Variants in AKAP8 observed in about 807,000 individuals in gnomAD.
The protein encoded by AKAP8 is A-kinase anchor protein 8.
AKAP8 carries 24 observed loss-of-function variants against 67.5 expected under a neutral mutation model. The ratio of observed to expected loss-of-function variants is 0.36; its 90% CI spans 0.26 to 0.50. AKAP8 has a LOEUF of 0.50. AKAP8 is among the 20% of genes least tolerant of loss of function. The probability of loss-of-function intolerance (pLI) is 0.97; values close to 1 mark genes in which losing one functional copy is unlikely to be tolerated. For missense variants in AKAP8, 971 were observed against 955.9 expected (o/e 1.02, Z -0.21); for synonymous variants, 400 against 371.1 (o/e 1.08, Z -0.90).
chr19:15,361,473 C>A (rs1966964904), intron 11 of AKAP8: 2 of 370,784 alleles, frequency 5.4e-6, no homozygotes, highest in Admixed American at 4.1e-5. Flanking sequence ...GCCTCAGCCT[C>A]CCAAGTAGCT....
chr19:15,357,099 AGGTGCCC>A (rs1966894186), intron 13 of AKAP8, among the ~76,000 whole-genome samples: 1 of 151,962 alleles, frequency 6.6e-6, no homozygotes, highest in Admixed American at 6.6e-5. Context: ...CTGGGATTAC[AGGTGCCC>A]GCCACCACGC....
chr19:15,365,219 A>C (rs780621440), intron 9 of AKAP8, among the ~76,000 whole-genome samples: 1 of 152,210 alleles, frequency 6.6e-6, no homozygotes, highest in Non-Finnish European at 1.5e-5. Flanking sequence ...CTGGGATGAC[A>C]TAAGGCAACC....
chr19:15,373,390 G>A (rs1431037832), intron 4 of AKAP8, 50 bp from the exon 5 acceptor site: 1 of 1,548,758 alleles, frequency 6.5e-7, no homozygotes. Flanking sequence ...ATCACCCACT[G>A]CCACACTCCC....
Position 15,372,964 on chromosome 19 carries a change from G to C in AKAP8, c.748C>G (p.Gln250Glu). ...ACGCCGTAGTCGGGAGCCATGGACT[G>C]GGAGAAGAGGGACGGAGGTGGCCGG... ...PSRPPPSLFSQSMAPDYGVMG... is the reference protein window; with the variant it reads ...PSRPPPSLFSESMAPDYGVMG... The change falls in exon 5 of 14, where the codon CAG becomes GAG. Residue 250 changes from glutamine to glutamate, a missense_variant. This residue lies in a region of AKAP8 where 763 missense variants were observed against 745.4 expected (regional missense o/e 1.02). Coordinates refer to ENST00000269701, the MANE Select transcript of AKAP8 (RefSeq NM_005858.4). The C allele has an allele frequency of 6.4e-7, 1 of 1,558,672 alleles. No homozygotes were observed. The highest frequency in any genetic ancestry group is 8.7e-7 in the Non-Finnish European group (1 of 1,152,598).
At chr19:15,363,446 C>T (rs1313897984) in intron 9 of AKAP8, among the ~76,000 whole-genome samples, 1 of 149,120 alleles carries the variant, frequency 6.7e-6, no homozygotes, top group African/African-American at 2.5e-5. Flanking sequence ...GTGAGGAGCC[C>T]CCCTGCCCGG....
chr19:15,357,602 C>G (rs1461677958), intron 13 of AKAP8, among the ~76,000 whole-genome samples: 1 of 150,782 alleles, frequency 6.6e-6, no homozygotes, highest in African/African-American at 2.4e-5. Flanking sequence ...AAGACCCTGA[C>G]TCAAAAAAAA....
Position 15,361,711 on chromosome 19 carries a change from C to A in AKAP8, c.1396+18G>T, listed in dbSNP as rs371895230. ...TACTACCATCCAGGAAAGCACTCAT[C>A]CTGGGATGACAACTCACCTTTGAAA... is the stretch of plus-strand genomic sequence containing the variant. On this transcript the variant is annotated intron_variant, in intron 11 of 13. Transcript: ENST00000269701. The A allele has an allele frequency of 6.2e-7, 1 of 1,600,710 alleles. No individual in the cohort carries two copies. Among genetic ancestry groups the A allele is most frequent in the African/African-American group, 1.3e-5 (1 of 74,624 alleles).
chr19:15,379,613 C>G (rs1599578953), intron 1 of AKAP8, 100 bp downstream of exon 1: 4 of 1,426,462 alleles, frequency 2.8e-6, no homozygotes, highest in East Asian at 2.8e-5. Context: ...GGGGCAACCA[C>G]GCTCGGGACG....
intron 13 of AKAP8, among the ~76,000 whole-genome samples, chr19:15,356,347 G>GT (rs2145057581): frequency 6.6e-6 from 1 of 152,196 alleles, no homozygotes; most frequent in South Asian, 2.1e-4. Context: ...GGAGCTTGCA[G>GT]TAAGTCGAGA....
rs553581975 is a variant in AKAP8, at chr19:15,368,104, C to T, written c.1160+131G>A. The T allele has an allele frequency of 9.6e-5, 110 of 1,144,958 alleles. No individual in the cohort carries two copies. The East Asian group carries it at 2.3e-3, about 24-fold the overall frequency. The allele number at this position is 1,144,958 out of a possible 1,614,324, so 70.9% of individuals were successfully genotyped here. A position where few individuals can be genotyped will look rare whatever the true frequency, so the allele number is the denominator to read the frequency against. On this transcript the variant is annotated intron_variant, in intron 9 of 13. Coordinates refer to ENST00000269701, the MANE Select transcript of AKAP8 (RefSeq NM_005858.4). ...CACTCCCAATTGTTTACTGTTTTGC[C>T]TCCCACTGGTTTGGCCAGAGGAGTC...
rs370392213 is a variant in AKAP8, at chr19:15,370,193, T to A, written c.1039-14A>T. ...GAGTTCATCCTCCTGGAAAAGAGTA[T>A]ACACAAAGTCCGGCAGTGAGCTGGT... On this transcript the variant is annotated splice_polypyrimidine_tract_variant and intron_variant, in intron 7 of 13. Transcript: ENST00000269701. 6.2e-7 allele frequency: 1 copy of A among 1,614,072 alleles called. No homozygotes were observed. Among genetic ancestry groups the A allele is most frequent in the Non-Finnish European group, 8.5e-7 (1 of 1,179,984 alleles).
At chr19:15,367,657 C>T (rs1967091267) in intron 9 of AKAP8, among the ~76,000 whole-genome samples, 2 of 152,236 alleles carry the variant, frequency 1.3e-5, no homozygotes, top group Admixed American at 1.3e-4. Context: ...CAGGGAGAGG[C>T]AGGCACATGG....
At chr19:15,362,406 G>A (rs959067753) in intron 9 of AKAP8, among the ~76,000 whole-genome samples, 155 bp from the exon 10 acceptor site, 5 of 13,802 alleles carry the variant, frequency 3.6e-4, no homozygotes, top group Admixed American at 7.8e-4. Flanking sequence ...CTCTGATGCC[G>A]AGCCGAAGCT....
chr19:15,378,079 G>A (rs1362299731), intron 1 of AKAP8, among the ~76,000 whole-genome samples: 5 of 152,216 alleles, frequency 3.3e-5, no homozygotes, highest in Admixed American at 3.3e-4. Context: ...TGCCTAGTGC[G>A]TGCCGATACA....
rs1214593850 is a variant in AKAP8 at position 15,370,266 on chromosome 19, G to A, written c.1039-87C>T. On this transcript the variant is annotated intron_variant, in intron 7 of 13. Coordinates refer to ENST00000269701, the MANE Select transcript of AKAP8 (RefSeq NM_005858.4). ...GCCCAGTCCCTGGCCACTGCCTGGT[G>A]GGCAGTCTCACCCAAGACCTAGGTT... is the stretch of plus-strand genomic sequence containing the variant. The A allele has an allele frequency of 6.7e-6, 10 of 1,492,934 alleles. No homozygotes were observed. The East Asian group carries it at 6.8e-5, about 10-fold the overall frequency. The allele number at this position is 1,492,934 out of a possible 1,614,324, so 92.5% of individuals were successfully genotyped here. A position where few individuals can be genotyped will look rare whatever the true frequency, so the allele number is the denominator to read the frequency against.
intron 9 of AKAP8, among the ~76,000 whole-genome samples, chr19:15,367,383 C>T (rs1324833995): frequency 1.3e-5 from 2 of 152,126 alleles, no homozygotes; most frequent in Non-Finnish European, 2.9e-5. Context: ...CAAAAATTAG[C>T]CAGGCGTGGT....
rs748553348 is a variant in AKAP8, at chr19:15,373,232, G to A, written c.480C>T (p.Ser160=). ...YSYDYEFDLG[S]DRNGSFGGQY... ...GCCCCCCAAAGCTGCCATTGCGGTCGGACCCCAGGTCGAACTCATAGTCGT... is the reference window on the plus strand; with the variant it reads ...GCCCCCCAAAGCTGCCATTGCGGTCAGACCCCAGGTCGAACTCATAGTCGT... Residue 160 remains serine, a synonymous_variant, in exon 5 of 14, where the codon TCC becomes TCT. Transcript: ENST00000269701. The A allele has an allele frequency of 1.4e-5, 23 of 1,613,878 alleles. No individual in the cohort carries two copies. The highest frequency in any genetic ancestry group is 1.0e-4 in the Admixed American group (6 of 60,006).
chr19:15,361,889 C>T (rs1230928849), intron 10 of AKAP8, 67 bp from the exon 11 acceptor site: 1 of 1,495,432 alleles, frequency 6.7e-7, no homozygotes, highest in Admixed American at 1.7e-5. Context: ...TTCTCAACTG[C>T]CAGGGCTAGG....
In AKAP8 at chr19:15,355,202, C is replaced by A. The variant is rs2048269863; in HGVS notation, c.1792G>T (p.Glu598Ter). The change falls in exon 14 of 14, where the codon GAG becomes TAG. Residue 598 changes from glutamate (E) to a stop codon, truncating the protein, a stop_gained. Transcript: ENST00000269701. LOFTEE classifies it low-confidence loss of function (END_TRUNC). ...AVDGEGAPAP[E>*]SSGEPAEDEG... ...TCCTCAGCCGGCTCCCCGCTGCTCTCTGGAGCGGGCGCTCCTTCCCCATCT... is the reference window on the plus strand; with the variant it reads ...TCCTCAGCCGGCTCCCCGCTGCTCTATGGAGCGGGCGCTCCTTCCCCATCT... 3 of 1,611,438 alleles carry A rather than the reference C, an allele frequency of 1.9e-6. No individual in the cohort carries two copies. The highest frequency in any genetic ancestry group is 2.5e-6 in the Non-Finnish European group (3 of 1,180,032).
Sources: gnomAD v4.1 joint callset for allele counts (sites outside exome capture counted in the v4.1 genomes callset) on GRCh38, gnomAD v4.1.1 for gene constraint, gnomAD v4.1.1 regional missense constraint, MANE v1.5 for transcripts, NCBI Gene and HGNC (gene_info 2026-07-23, HGNC 2026-07-21) for gene names.